The following PPP4R3A variants were observed in gnomAD, a reference collection of about 807,000 sequenced individuals.
PPP4R3A encodes the protein serine/threonine-protein phosphatase 4 regulatory subunit 3A.
In PPP4R3A, 15 loss-of-function variants were observed where a neutral mutation model predicts 91.7. The ratio of observed to expected loss-of-function variants is 0.16; its 90% CI spans 0.11 to 0.25. The LOEUF (loss-of-function observed/expected upper bound fraction) is 0.25, where lower values mean the gene tolerates loss of function less well. PPP4R3A is among the 10% of genes least tolerant of loss of function. The pLI, the probability that PPP4R3A is intolerant of heterozygous loss-of-function variation, is 1.00. For synonymous variants in PPP4R3A, 377 were observed against 348.7 expected, an observed-to-expected ratio of 1.08 and a Z score of -0.91; for missense variants, 623 against 998.4, an observed-to-expected ratio of 0.62 and a Z score of 5.07.
Position 91,482,013 on chromosome 14 carries a change from G to A in PPP4R3A, c.478C>T (p.Leu160Phe). The change falls in exon 4 of 15, where the codon CTT (leucine) becomes TTT (phenylalanine). Residue 160 changes from leucine to phenylalanine, a missense_variant. Physicochemically the swap from Leu to Phe is conservative, Grantham distance 22. Coordinates refer to ENST00000554943, the MANE Select transcript of PPP4R3A (RefSeq NM_001366432.2). ...CCCTCATTTTCTAGTGCCAGTGCAA[G>A]TTTTTCACGACGAAGAGGTGAAGGT... ...SLPSPLRREK[L>F]ALALENEGYI... 6.2e-7 allele frequency: 1 copy of A among 1,614,026 alleles called. No homozygotes were observed. The highest frequency in any genetic ancestry group is 8.5e-7 in the Non-Finnish European group (1 of 1,180,002).
chr14:91,459,227 T>G (rs996296045), intron 14 of PPP4R3A, among the ~76,000 whole-genome samples: 1 of 152,102 alleles, frequency 6.6e-6, no homozygotes, highest in Admixed American at 6.5e-5. Context: ...TGCCTCAGCC[T>G]GCCGAGTAGC....
intron 14 of PPP4R3A, among the ~76,000 whole-genome samples, chr14:91,459,792 G>T (rs932113624): frequency 1.5e-4 from 23 of 150,584 alleles, no homozygotes; most frequent in Non-Finnish European, 2.2e-4. Context: ...CTAAGATCAC[G>T]CCACTGCACT....
intron 1 of PPP4R3A, among the ~76,000 whole-genome samples, chr14:91,495,393 C>T (rs774071246): frequency 4.6e-5 from 7 of 151,320 alleles, no homozygotes; most frequent in Non-Finnish European, 1.0e-4. Flanking sequence ...GAGCTCACTG[C>T]AGCCTCTGCC....
At chr14:91,471,047 T>G in intron 9 of PPP4R3A, 52 bp from the exon 10 acceptor site, 1 of 1,498,272 alleles carries the variant, frequency 6.7e-7, no homozygotes, top group South Asian at 1.3e-5. Context: ...CATTTTTCCT[T>G]CTAAAATGTA....
At chr14:91,504,160 T>C (rs998144485) in intron 1 of PPP4R3A, among the ~76,000 whole-genome samples, 4 of 129,846 alleles carry the variant, frequency 3.1e-5, no homozygotes, top group African/African-American at 1.2e-4. Context: ...CTTCCATCTC[T>C]TAAAAAAAAG....
intron 10 of PPP4R3A, among the ~76,000 whole-genome samples, chr14:91,466,639 T>A (rs1888482589): frequency 6.6e-6 from 1 of 152,184 alleles, no homozygotes; most frequent in African/African-American, 2.4e-5. Flanking sequence ...TGAATATTTT[T>A]AAAAACATAC....
chr14:91,507,796 T>G (rs1326375818), intron 1 of PPP4R3A, among the ~76,000 whole-genome samples: 1 of 151,782 alleles, frequency 6.6e-6, no homozygotes, highest in Non-Finnish European at 1.5e-5. Flanking sequence ...TGTATTATTT[T>G]TAATATGGAT....
intron 14 of PPP4R3A, among the ~76,000 whole-genome samples, chr14:91,460,637 CTTTTT>C (rs573677740): frequency 5.4e-5 from 6 of 111,280 alleles, no homozygotes; most frequent in Non-Finnish European, 7.1e-5. Flanking sequence ...GATTTTGTTC[CTTTTT>C]TTTTTTTTTT....
At position 91,472,463 on chromosome 14, in the gene PPP4R3A, T is replaced by C. The variant is rs1251359079; in HGVS notation, c.1501+570A>G. 4.7e-5 allele frequency among the ~76,000 whole-genome samples: 7 copies of C among 150,220 alleles called. No homozygotes were observed. In the East Asian group the frequency reaches 1.4e-3, roughly 29 times the overall value. Reference sequence around the variant, plus strand: ...ACAGTACTTTCAGGAAAATTGTTTTTTTTTTTTTTTTTTTGAGTTGAAGTC... The same window carrying C: ...ACAGTACTTTCAGGAAAATTGTTTTCTTTTTTTTTTTTTTGAGTTGAAGTC... On this transcript the variant is annotated intron_variant, in intron 9 of 14. Coordinates refer to ENST00000554943, the MANE Select transcript of PPP4R3A (RefSeq NM_001366432.2).
intron 11 of PPP4R3A, among the ~76,000 whole-genome samples, chr14:91,463,755 TATTA>T (rs1288676666): frequency 2.6e-5 from 4 of 152,152 alleles, no homozygotes; most frequent in African/African-American, 4.8e-5. Context: ...ATATATGTTT[TATTA>T]ATTAATTTTT....
intron 1 of PPP4R3A, among the ~76,000 whole-genome samples, chr14:91,507,637 A>ACTAGT (rs1309643229): frequency 2.5e-5 from 1 of 39,572 alleles, no homozygotes; most frequent in African/African-American, 1.0e-4. Flanking sequence ...TATATACTAT[A>ACTAGT]ATAATATATA....
chr14:91,469,694 G>A (rs894788990), intron 10 of PPP4R3A, among the ~76,000 whole-genome samples: 4 of 151,974 alleles, frequency 2.6e-5, no homozygotes, highest in Non-Finnish European at 5.9e-5. Flanking sequence ...TCAGCCTCCC[G>A]AGTAGTTGGG....
intron 1 of PPP4R3A, among the ~76,000 whole-genome samples, chr14:91,496,218 T>C (rs1272998459): frequency 6.6e-6 from 1 of 152,236 alleles, no homozygotes; most frequent in African/African-American, 2.4e-5. Flanking sequence ...ATGTTGTTTT[T>C]TCAATGGTGT....
intron 14 of PPP4R3A, among the ~76,000 whole-genome samples, chr14:91,460,635 TCC>T (rs1354330332): frequency 8.4e-4 from 111 of 131,448 alleles, no homozygotes; most frequent in African/African-American, 2.9e-3. Context: ...AAGATTTTGT[TCC>T]TTTTTTTTTT....
At chr14:91,498,336 GAAAA>G (rs753267667) in intron 1 of PPP4R3A, among the ~76,000 whole-genome samples, 1 of 137,582 alleles carries the variant, frequency 7.3e-6, no homozygotes, top group Non-Finnish European at 1.6e-5. Context: ...CTGTCTCAAA[GAAAA>G]AAAAAAAAAG....
chr14:91,501,790 C>T (rs1461818115), intron 1 of PPP4R3A, among the ~76,000 whole-genome samples: 2 of 151,426 alleles, frequency 1.3e-5, no homozygotes, highest in Non-Finnish European at 2.9e-5. Flanking sequence ...CTGCAAGCTC[C>T]GCCTCCCAGG....
At position 91,465,423 on chromosome 14, in the gene PPP4R3A, A is replaced by T. The variant is rs1213878736; in HGVS notation, c.1661-4T>A. On this transcript the variant is annotated splice_region_variant and splice_polypyrimidine_tract_variant and intron_variant, in intron 10 of 14. Coordinates refer to ENST00000554943, the MANE Select transcript of PPP4R3A (RefSeq NM_001366432.2). Reference sequence around the variant, plus strand: ...TTTCTTTTAAAACGAAGGGCACCTGAAACACAGAGGCATGGTTGTTTAAAT... The same window carrying T: ...TTTCTTTTAAAACGAAGGGCACCTGTAACACAGAGGCATGGTTGTTTAAAT... 7 of 1,583,232 alleles carry T rather than the reference A, an allele frequency of 4.4e-6. No individual in the cohort carries two copies. The South Asian group carries it at 7.1e-5, about 16-fold the overall frequency.
rs535278901 is a variant in PPP4R3A at position 91,465,117 on chromosome 14, C to A, written c.1830+133G>T. 3.7e-4 allele frequency: 256 copies of A among 687,994 alleles called. 1 individual carries two copies. In the Middle Eastern group the frequency reaches 7.4e-3, roughly 20 times the overall value. The allele number at this position is 687,994 out of a possible 1,614,324, so 42.6% of individuals were successfully genotyped here. ...GATGTAGCTTGACTCAAATCTCTCA[C>A]AGGCTTTTAGTACTTTTTTTTTTTT... On this transcript the variant is annotated intron_variant, in intron 11 of 14. Coordinates refer to ENST00000554943, the MANE Select transcript of PPP4R3A (RefSeq NM_001366432.2).
At chr14:91,466,271 C>T in intron 10 of PPP4R3A, 1 of 985,836 alleles carries the variant, frequency 1.0e-6, no homozygotes, top group Non-Finnish European at 1.2e-6. Context: ...TTCATGCAGT[C>T]ACATCGTCTT....
Sources: gnomAD v4.1 joint callset for allele counts (sites outside exome capture counted in the v4.1 genomes callset) on GRCh38, gnomAD v4.1.1 for gene constraint, MANE v1.5 for transcripts, NCBI Gene and HGNC (gene_info 2026-07-23, HGNC 2026-07-21) for gene names.